Variants in ZPBP observed in about 807,000 individuals in gnomAD.
ZPBP encodes the protein zona pellucida binding protein.
A neutral mutation model predicts 44.8 loss-of-function variants in ZPBP; 26 were observed. That is an observed-to-expected ratio of 0.58 (90% CI 0.43 to 0.81). ZPBP has a LOEUF of 0.81. ZPBP is among the 30% of genes least tolerant of loss of function. ZPBP has a pLI of 0.00. For synonymous variants in ZPBP, 174 were observed against 153.2 expected (o/e 1.14, Z -1.00); for missense variants, 409 against 434.0 (o/e 0.94, Z 0.51).
intron 1 of ZPBP, among the ~76,000 whole-genome samples, chr7:49,923,875 G>A (rs960396863): frequency 3.9e-5 from 6 of 152,300 alleles, no homozygotes; most frequent in Admixed American, 2.6e-4. Context: ...TATAATCCCA[G>A]CACTTTGGGA....
At chr7:49,890,126 C>A (rs1443949992) in intron 2 of ZPBP, among the ~76,000 whole-genome samples, 1 of 152,176 alleles carries the variant, frequency 6.6e-6, no homozygotes, top group East Asian at 1.9e-4. Flanking sequence ...CCTTTAGGAA[C>A]AGAGGGAATA....
intron 5 of ZPBP, among the ~76,000 whole-genome samples, chr7:50,023,779 A>G (rs1799201638): frequency 6.6e-6 from 1 of 152,084 alleles, no homozygotes; most frequent in Admixed American, 6.6e-5. Context: ...CAAGAACAGA[A>G]TGGATAATGC....
intron 6 of ZPBP, among the ~76,000 whole-genome samples, chr7:49,987,288 A>G (rs1797332816): frequency 6.6e-6 from 1 of 152,198 alleles, no homozygotes; most frequent in Admixed American, 6.5e-5. Flanking sequence ...AGTATATTTA[A>G]AAGGCCTTTA....
intron 7 of ZPBP, among the ~76,000 whole-genome samples, chr7:49,954,667 A>G (rs1426580428): frequency 1.3e-5 from 2 of 152,172 alleles, no homozygotes; most frequent in Admixed American, 1.3e-4. Flanking sequence ...ATAGAGGAGG[A>G]AGTGATCAGG....
chr7:49,895,552 G>C (rs778323814), intron 2 of ZPBP, among the ~76,000 whole-genome samples: 1 of 152,156 alleles, frequency 6.6e-6, no homozygotes, highest in Admixed American at 6.5e-5. Flanking sequence ...CATGAGGCAA[G>C]AAAAGCATTA....
chr7:49,858,393 A>G (rs1010262256), intron 2 of ZPBP, among the ~76,000 whole-genome samples: 3 of 152,156 alleles, frequency 2.0e-5, no homozygotes, highest in Non-Finnish European at 4.4e-5. Flanking sequence ...GGATGAGTTC[A>G]TGTCCTTTGT....
rs565538654 is a variant in ZPBP, at chr7:49,895,678, G to A, written n.509+5440C>T. On this transcript the variant is annotated intron_variant and non_coding_transcript_variant, in intron 2 of 2. Coordinates refer to the ZPBP transcript ENST00000465922. ...AATTAATTATCAGCCATAGGACTTG[G>A]ACTAATAGTCTCTCTGAGTCTCATT... Among the ~76,000 whole-genome samples, 19 of 152,142 alleles carry A rather than the reference G, an allele frequency of 1.2e-4. No individual in the cohort carries two copies. In the South Asian group the frequency reaches 2.7e-3, roughly 22 times the overall value.
At chr7:50,080,330 T>G (rs1158911102) in intron 3 of ZPBP, among the ~76,000 whole-genome samples, 4 of 151,614 alleles carry the variant, frequency 2.6e-5, no homozygotes, top group African/African-American at 9.7e-5. Context: ...CTGAGAACAG[T>G]TTTTATAAAG....
chr7:50,087,613 T>C (rs1161466687), intron 2 of ZPBP, among the ~76,000 whole-genome samples: 1 of 152,008 alleles, frequency 6.6e-6, no homozygotes, highest in African/African-American at 2.4e-5. Flanking sequence ...AAATATCAAT[T>C]GTGTTTCTTT....
At chr7:49,851,468 G>A (rs1318073523) in intron 2 of ZPBP, among the ~76,000 whole-genome samples, 2 of 152,244 alleles carry the variant, frequency 1.3e-5, no homozygotes, top group Admixed American at 6.5e-5. Context: ...CTTGCTTAGC[G>A]CAATGTTATA....
rs1237264835 is a variant in ZPBP at position 49,877,474 on chromosome 7, A to AAAAT, written n.509+23643_509+23644insATTT. Among the ~76,000 whole-genome samples, 5 of 46,302 alleles carry AAAAT rather than the reference A, an allele frequency of 1.1e-4. 1 individual carries two copies. The highest frequency in any genetic ancestry group is 1.5e-4 in the Non-Finnish European group (4 of 26,474). The allele number at this position is 46,302 out of a possible 152,430, so 30.4% of individuals were successfully genotyped here. The stretch of plus-strand genomic sequence containing the variant: ...AGAAACTCTGTCTCAAAAAAAAAAA[A>AAAAT]AAAAAAAATATATATATATATATAT... On this transcript the variant is annotated intron_variant and non_coding_transcript_variant, in intron 2 of 2. Transcript: ENST00000465922.
intron 1 of ZPBP, 149 bp downstream of exon 1, chr7:50,092,919 C>G: frequency 8.1e-7 from 1 of 1,232,758 alleles, no homozygotes; most frequent in East Asian, 2.8e-5. Context: ...TGTACGACTT[C>G]CATAAAAAAT....
At chr7:50,019,533 T>C (rs1798986749) in intron 5 of ZPBP, among the ~76,000 whole-genome samples, 1 of 152,120 alleles carries the variant, frequency 6.6e-6, no homozygotes, top group African/African-American at 2.4e-5. Flanking sequence ...CTTACTCTCC[T>C]TTACCAACAT....
intron 4 of ZPBP, among the ~76,000 whole-genome samples, chr7:50,046,945 C>T (rs773516286): frequency 2.6e-5 from 4 of 152,166 alleles, no homozygotes; most frequent in Non-Finnish European, 4.4e-5. Context: ...CATACGCACA[C>T]CATGGAATAG....
At chr7:50,039,233 T>C (rs923576709) in intron 4 of ZPBP, among the ~76,000 whole-genome samples, 1 of 152,072 alleles carries the variant, frequency 6.6e-6, no homozygotes, top group African/African-American at 2.4e-5. Flanking sequence ...TAAAGACTGA[T>C]ATTATAAAAA....
chr7:50,076,943 C>A (rs1417734148), intron 3 of ZPBP, among the ~76,000 whole-genome samples: 1 of 151,846 alleles, frequency 6.6e-6, no homozygotes, highest in African/African-American at 2.4e-5. Flanking sequence ...ATAGCCAAAG[C>A]TATCCTGAGC....
Position 50,066,134 on chromosome 7 carries a change from C to A in ZPBP, c.335-7993G>T, listed in dbSNP as rs933894977. Among the ~76,000 whole-genome samples the A allele has an allele frequency of 2.0e-4, 30 of 151,016 alleles. 3 individuals are homozygous for A. The highest frequency in any genetic ancestry group is 7.1e-4 in the African/African-American group (29 of 40,856). ...TGCTTAAGCCTCTCTTGTGTTAAAC[C>A]ATTGCAGACTGCTTCTGATTGTTTT... is the stretch of plus-strand genomic sequence containing the variant. On this transcript the variant is annotated intron_variant, in intron 3 of 7. Coordinates refer to ENST00000046087, the MANE Select transcript of ZPBP (RefSeq NM_007009.3).
rs1799584685 is a variant in ZPBP at position 50,031,082 on chromosome 7, A to G, written c.706+10T>C. The G allele has an allele frequency of 1.2e-6, 2 of 1,612,162 alleles. No individual in the cohort carries two copies. Among genetic ancestry groups the G allele is most frequent in the Non-Finnish European group, 1.7e-6 (2 of 1,178,896 alleles). Reference sequence around the variant, plus strand: ...TCCATTTGCTTTTCTAACAAATTGTATAGACTTACCTGAAAATGCAAAGAA... The same window carrying G: ...TCCATTTGCTTTTCTAACAAATTGTGTAGACTTACCTGAAAATGCAAAGAA... On this transcript the variant is annotated intron_variant, in intron 5 of 7. Coordinates refer to ENST00000046087, the MANE Select transcript of ZPBP (RefSeq NM_007009.3).
intron 6 of ZPBP, among the ~76,000 whole-genome samples, chr7:49,995,311 T>A (rs867535069): frequency 6.6e-6 from 1 of 152,178 alleles, no homozygotes; most frequent in Admixed American, 6.5e-5. Flanking sequence ...TGAGGGTGTA[T>A]TGCTGGTTTT....
Sources: gnomAD v4.1 joint callset for allele counts (sites outside exome capture counted in the v4.1 genomes callset) on GRCh38, gnomAD v4.1.1 for gene constraint, MANE v1.5 for transcripts, NCBI Gene and HGNC (gene_info 2026-07-23, HGNC 2026-07-21) for gene names.